ARK2C: variants seen among roughly 807,000 people sequenced by gnomAD.
ARK2C encodes the protein arkadia (RNF111) C-terminal like ring finger ubiquitin ligase 2C.
the ARK2C span, among the ~76,000 whole-genome samples, chr18:46,446,951 A>G: frequency 1.3e-5 from 2 of 152,304 alleles, no homozygotes; most frequent in African/African-American, 4.8e-5. Context: ...TTATGACAAG[A>G]TGTTTCCATC....
At chr18:46,430,129 TTTGAGAAGGAGTG>T in the ARK2C span, among the ~76,000 whole-genome samples, 2 of 152,222 alleles carry the variant, frequency 1.3e-5, no homozygotes, top group Non-Finnish European at 2.9e-5. Flanking sequence ...TTAGTACCTT[TTTGAGAAGGAGTG>T]TTGAGAAGGT....
the ARK2C span, chr18:46,435,310 T>A: frequency 6.2e-7 from 1 of 1,614,094 alleles, no homozygotes; most frequent in Non-Finnish European, 8.5e-7. Context: ...AGCGTGTATC[T>A]GTCCACCCCC....
At chr18:46,390,665 C>G in the ARK2C span, among the ~76,000 whole-genome samples, 1 of 152,174 alleles carries the variant, frequency 6.6e-6, no homozygotes, top group African/African-American at 2.4e-5. Flanking sequence ...AGCCCCCATT[C>G]AGCAGCATTT....
chr18:46,422,690 A>G, the ARK2C span, among the ~76,000 whole-genome samples: 1 of 152,166 alleles, frequency 6.6e-6, no homozygotes, highest in Non-Finnish European at 1.5e-5. Flanking sequence ...AAAGGAGGGT[A>G]GATGTTGCAG....
At chr18:46,354,626 G>A in the ARK2C span, among the ~76,000 whole-genome samples, 4 of 152,240 alleles carry the variant, frequency 2.6e-5, no homozygotes, top group East Asian at 3.8e-4. Flanking sequence ...GCCAGCCACA[G>A]CATCAGCACC....
the ARK2C span, among the ~76,000 whole-genome samples, chr18:46,353,590 A>G: frequency 4.6e-3 from 703 of 152,272 alleles, 21 homozygotes; most frequent in Admixed American, 0.042. Flanking sequence ...ATCCCACTCC[A>G]TCCCTCTACA....
the ARK2C span, among the ~76,000 whole-genome samples, chr18:46,423,663 G>C: frequency 6.6e-6 from 1 of 152,238 alleles, no homozygotes; most frequent in Non-Finnish European, 1.5e-5. Flanking sequence ...CTGGGACTCA[G>C]GAGGCCTGGA....
chr18:46,456,833 G>T, the ARK2C span: 1 of 564,220 alleles, frequency 1.8e-6, no homozygotes, highest in East Asian at 3.1e-5. Flanking sequence ...CTCCAGAATG[G>T]CGACTGTCCC....
At chr18:46,388,509 AC>A in the ARK2C span, among the ~76,000 whole-genome samples, 2 of 152,162 alleles carry the variant, frequency 1.3e-5, no homozygotes, top group African/African-American at 4.8e-5. Context: ...AGCAAGACAC[AC>A]ACAACTCTGT....
chr18:46,392,517 T>G, the ARK2C span, among the ~76,000 whole-genome samples: 1 of 152,202 alleles, frequency 6.6e-6, no homozygotes, highest in Non-Finnish European at 1.5e-5. Flanking sequence ...CAGGAGTCTC[T>G]GAAGGCTCCC....
chr18:46,434,165 A>G, the ARK2C span, among the ~76,000 whole-genome samples: 1 of 152,214 alleles, frequency 6.6e-6, no homozygotes, highest in Non-Finnish European at 1.5e-5. Flanking sequence ...CTCAACTGTC[A>G]AGAGAAAGAG....
At chr18:46,334,670 CCG>C in the ARK2C span, 421 of 293,056 alleles carry the variant, frequency 1.4e-3, 4 homozygotes, top group African/African-American at 0.012. This position sits in a 1 kb window ranked among gnomAD's most constrained non-coding sequence, Gnocchi z 4.4. Flanking sequence ...AGATACATGA[CCG>C]TGTGTGTGTG....
chr18:46,428,403 A>G, the ARK2C span, among the ~76,000 whole-genome samples: 1 of 152,142 alleles, frequency 6.6e-6, no homozygotes, highest in Non-Finnish European at 1.5e-5. Context: ...GCGAGACTCC[A>G]TCTCAAAACA....
At chr18:46,336,825 A>G in the ARK2C span, 2 of 985,304 alleles carry the variant, frequency 2.0e-6, no homozygotes, top group Non-Finnish European at 2.4e-6. Flanking sequence ...TCTTGGCAGC[A>G]CCCAGGCATA....
At chr18:46,428,302 G>A in the ARK2C span, among the ~76,000 whole-genome samples, 45 of 152,286 alleles carry the variant, frequency 3.0e-4, 3 homozygotes, top group East Asian at 8.3e-3. Context: ...CCAGCTACTC[G>A]GGAGGCTGAG....
chr18:46,356,975 G>A, the ARK2C span, among the ~76,000 whole-genome samples: 2 of 152,314 alleles, frequency 1.3e-5, no homozygotes, highest in East Asian at 3.9e-4. Flanking sequence ...TGGGGGACAA[G>A]TGGCTTTGTC....
At chr18:46,377,102 A>G in the ARK2C span, among the ~76,000 whole-genome samples, 1 of 152,194 alleles carries the variant, frequency 6.6e-6, no homozygotes, top group Non-Finnish European at 1.5e-5. Context: ...GAATATGGTG[A>G]CTGTGTCAGA....
the ARK2C span, among the ~76,000 whole-genome samples, chr18:46,409,865 C>A: frequency 6.6e-6 from 1 of 152,164 alleles, no homozygotes; most frequent in Non-Finnish European, 1.5e-5. Flanking sequence ...ATGGACATTT[C>A]GTTGTTTCCA....
chr18:46,361,153 C>T, the ARK2C span, among the ~76,000 whole-genome samples: 3 of 152,158 alleles, frequency 2.0e-5, no homozygotes, highest in Non-Finnish European at 4.4e-5. Flanking sequence ...TGACACCATA[C>T]TGAGTCTTTT....
Sources: gnomAD v4.1 joint callset for allele counts (sites outside exome capture counted in the v4.1 genomes callset) on GRCh38, gnomAD v4.1.1 for gene constraint, Gnocchi (gnomAD v3.1) non-coding constraint, MANE v1.5 for transcripts, NCBI Gene and HGNC (gene_info 2026-07-23, HGNC 2026-07-21) for gene names.